PGAP1: variants seen among roughly 807,000 people sequenced by gnomAD.
PGAP1 encodes post-GPI attachment to proteins inositol deacylase 1.
A neutral mutation model predicts 127.0 loss-of-function variants in PGAP1; 76 were observed. The observed-to-expected ratio is 0.60, with a 90% CI of 0.50 to 0.72. PGAP1 has a LOEUF of 0.72. PGAP1 is among the 30% of genes least tolerant of loss of function. The pLI is 0.00. For synonymous variants in PGAP1, 362 were observed against 366.5 expected, an observed-to-expected ratio of 0.99 and a Z score of 0.14; for missense variants, 982 against 1,071.3, an observed-to-expected ratio of 0.92 and a Z score of 1.16.
Position 196,920,061 on chromosome 2 carries a change from T to A in PGAP1, c.237A>T (p.Lys79Asn). The change falls in exon 2 of 27, where the codon AAA becomes AAT. Residue 79 changes from lysine (K) to asparagine (N), a missense_variant. Lys to Asn is a moderately conservative substitution (Grantham distance 94). Coordinates refer to ENST00000354764, the MANE Select transcript of PGAP1 (RefSeq NM_024989.4). ...CTGGAATACCCGTCAAAGGGAGAATTTTGTGTTCTTCAGCATAGGATCCCT... is the reference window on the plus strand; with the variant it reads ...CTGGAATACCCGTCAAAGGGAGAATATTGTGTTCTTCAGCATAGGATCCCT... Reference protein sequence around the residue: ...YGEGSYAEEHKILPLTGIPVL... With the variant: ...YGEGSYAEEHNILPLTGIPVL... 6.2e-7 allele frequency: 1 copy of A among 1,613,496 alleles called. No individual in the cohort carries two copies. The highest frequency in any genetic ancestry group is 2.2e-5 in the East Asian group (1 of 44,864).
intron 20 of PGAP1, among the ~76,000 whole-genome samples, chr2:196,862,396 G>A (rs1395733257): frequency 6.6e-6 from 1 of 152,072 alleles, no homozygotes; most frequent in African/African-American, 2.4e-5. Flanking sequence ...AATGACAATG[G>A]TGCCCAAAAC....
At chr2:196,841,528 T>C (rs1358919918) in intron 26 of PGAP1, among the ~76,000 whole-genome samples, 156 bp from the exon 27 acceptor site, 1 of 152,248 alleles carries the variant, frequency 6.6e-6, no homozygotes, top group African/African-American at 2.4e-5. Context: ...ATTTCTTTTT[T>C]TATTTTTGAG....
At chr2:196,880,244 C>T (rs189173985) in intron 12 of PGAP1, 91 bp from the exon 13 acceptor site, 10 of 805,750 alleles carry the variant, frequency 1.2e-5, no homozygotes, top group Admixed American at 7.1e-5. Flanking sequence ...TTACTTAATT[C>T]GTTATCTTAA....
At chr2:196,923,844 T>C (rs932857392) in intron 1 of PGAP1, among the ~76,000 whole-genome samples, 2 of 152,192 alleles carry the variant, frequency 1.3e-5, no homozygotes, top group African/African-American at 4.8e-5. Flanking sequence ...ACCGTTAGGT[T>C]ACACATACGA....
intron 20 of PGAP1, among the ~76,000 whole-genome samples, chr2:196,853,519 C>G (rs545240172): frequency 5.9e-5 from 9 of 152,272 alleles, no homozygotes; most frequent in Non-Finnish European, 8.8e-5. Context: ...ACACATTTTT[C>G]CTGTATCTGA....
chr2:196,878,531 T>A (rs1167068028), intron 13 of PGAP1, among the ~76,000 whole-genome samples: 1 of 152,158 alleles, frequency 6.6e-6, no homozygotes, highest in Non-Finnish European at 1.5e-5. Context: ...GGATTAAGGG[T>A]GCTCAGTCTG....
chr2:196,893,150 A>T lies in PGAP1; in HGVS notation c.1023T>A (p.Ser341=), dbSNP rs1430380348. Residue 341 remains serine, a synonymous_variant, in exon 8 of 27, where the codon TCT becomes TCA. Coordinates refer to ENST00000354764, the MANE Select transcript of PGAP1 (RefSeq NM_024989.4). ...GTTATTGTCACCAACCTGTTAAGTC[A>T]GAAATTATAGCTGGATTTTCCTCAA... ...KHFEENPAII[S]DLTGTSMWVL... is the part of the protein sequence containing the mutation. 1.3e-6 allele frequency: 2 copies of T among 1,578,226 alleles called. No individual in the cohort carries two copies. The highest frequency in any genetic ancestry group is 3.4e-5 in the Admixed American group (2 of 59,402).
At chr2:196,905,195 G>A (rs1702654343) in intron 4 of PGAP1, among the ~76,000 whole-genome samples, 1 of 152,098 alleles carries the variant, frequency 6.6e-6, no homozygotes, top group Non-Finnish European at 1.5e-5. Context: ...ATATCTTTGA[G>A]TCATTCTAAT....
intron 13 of PGAP1, among the ~76,000 whole-genome samples, chr2:196,877,261 T>A (rs1701596793): frequency 6.6e-6 from 1 of 152,132 alleles, no homozygotes; most frequent in South Asian, 2.1e-4. Flanking sequence ...CATATTTGCA[T>A]TTCTAAAAAT....
At chr2:196,846,326 CAGG>C (rs1700554933) in intron 22 of PGAP1, among the ~76,000 whole-genome samples, 1 of 152,058 alleles carries the variant, frequency 6.6e-6, no homozygotes, top group Non-Finnish European at 1.5e-5. Flanking sequence ...CCAGTCTTGA[CAGG>C]AGGAGAAACT....
intron 7 of PGAP1, among the ~76,000 whole-genome samples, chr2:196,895,136 T>C (rs1275541032): frequency 6.6e-6 from 1 of 152,206 alleles, no homozygotes; most frequent in Non-Finnish European, 1.5e-5. Flanking sequence ...TCATAAACAG[T>C]ATTTTTGATT....
At position 196,841,388 on chromosome 2, in the gene PGAP1, G is replaced by T; in HGVS notation, c.2631-16C>A. ...CAACAATTTACTGTAAAGAGACAGA[G>T]AAATATACATTACTTATGTGAACTA... On this transcript the variant is annotated splice_polypyrimidine_tract_variant and intron_variant, in intron 26 of 26. Coordinates refer to ENST00000354764, the MANE Select transcript of PGAP1 (RefSeq NM_024989.4). 1 of 1,601,286 alleles carries T rather than the reference G, an allele frequency of 6.2e-7. No homozygotes were observed. Among genetic ancestry groups the T allele is most frequent in the Non-Finnish European group, 8.5e-7 (1 of 1,170,976 alleles).
chr2:196,905,543 C>T (rs1702668607), intron 4 of PGAP1, among the ~76,000 whole-genome samples: 1 of 152,156 alleles, frequency 6.6e-6, no homozygotes, highest in African/African-American at 2.4e-5. Flanking sequence ...GAATATTTCT[C>T]ACTTAACTAC....
intron 20 of PGAP1, among the ~76,000 whole-genome samples, chr2:196,860,155 G>T (rs1249151526): frequency 2.0e-5 from 3 of 150,612 alleles, no homozygotes; most frequent in African/African-American, 2.4e-5. Flanking sequence ...GTTTTTTTTT[G>T]AACTCAGTAA....
chr2:196,880,621 T>C (rs1701699541), intron 12 of PGAP1, among the ~76,000 whole-genome samples: 1 of 152,194 alleles, frequency 6.6e-6, no homozygotes, highest in Non-Finnish European at 1.5e-5. Flanking sequence ...TATTTTGATC[T>C]AGCCCAAGTA....
At chr2:196,893,633 T>A (rs1399762425) in intron 7 of PGAP1, among the ~76,000 whole-genome samples, 1 of 152,150 alleles carries the variant, frequency 6.6e-6, no homozygotes, top group Non-Finnish European at 1.5e-5. Context: ...ATTTTAGAGA[T>A]TCTCTGGTCT....
Position 196,876,396 on chromosome 2 carries a change from C to T in PGAP1, c.1351-575G>A, listed in dbSNP as rs550298222. Reference sequence around the variant, plus strand: ...TCACAGTAAGTGGAAAAAAGGTTTACTATGTATGAAGCCAGAAAAAGAAAT... The same window carrying T: ...TCACAGTAAGTGGAAAAAAGGTTTATTATGTATGAAGCCAGAAAAAGAAAT... On this transcript the variant is annotated intron_variant, in intron 13 of 26. Coordinates refer to ENST00000354764, the MANE Select transcript of PGAP1 (RefSeq NM_024989.4). 3.3e-4 allele frequency among the ~76,000 whole-genome samples: 50 copies of T among 152,058 alleles called. No individual in the cohort carries two copies. The South Asian group carries it at 7.9e-3, about 24-fold the overall frequency.
intron 25 of PGAP1, among the ~76,000 whole-genome samples, chr2:196,843,384 T>A (rs1041972181): frequency 6.6e-6 from 1 of 152,168 alleles, no homozygotes; most frequent in Admixed American, 6.5e-5. Flanking sequence ...CAACCTTTGA[T>A]TTAATTTGAA....
chr2:196,896,810 CAG>C (rs1702292164), intron 7 of PGAP1, among the ~76,000 whole-genome samples: 1 of 105,228 alleles, frequency 9.5e-6, no homozygotes, highest in Non-Finnish European at 1.8e-5. Context: ...GCCTGTGCAA[CAG>C]AGTGAGACTC....
Sources: allele counts gnomAD v4.1 joint callset (sites outside exome capture counted in the v4.1 genomes callset), GRCh38; gene constraint gnomAD v4.1.1; transcripts MANE v1.5; gene names NCBI Gene and HGNC (gene_info 2026-07-23, HGNC 2026-07-21).